Variants in PRR5L observed in about 807,000 individuals in gnomAD.
PRR5L encodes proline-rich protein 5-like.
Under a neutral mutation model 36.4 loss-of-function variants are expected in PRR5L, and 21 were observed. That is an observed-to-expected ratio of 0.58 (90% CI 0.41 to 0.83). PRR5L has a LOEUF of 0.83. PRR5L is among the 40% of genes least tolerant of loss of function. The pLI is 0.00. For missense variants in PRR5L, 381 were observed against 473.3 expected, an observed-to-expected ratio of 0.80 and a Z score of 1.81; for synonymous variants, 188 against 197.0, an observed-to-expected ratio of 0.95 and a Z score of 0.38.
intron 3 of PRR5L, among the ~76,000 whole-genome samples, chr11:36,409,214 C>G (rs987687343): frequency 6.6e-6 from 1 of 152,168 alleles, no homozygotes; most frequent in Non-Finnish European, 1.5e-5. Flanking sequence ...TTGCCACCAC[C>G]ACTCACTCCA....
intron 1 of PRR5L, among the ~76,000 whole-genome samples, chr11:36,398,210 T>A (rs769897162): frequency 2.0e-5 from 3 of 152,244 alleles, no homozygotes; most frequent in Non-Finnish European, 4.4e-5. Flanking sequence ...CTCACAGTCC[T>A]GGCTCTCTTC....
chr11:36,317,805 C>G (rs973357497), intron 1 of PRR5L, among the ~76,000 whole-genome samples: 1 of 152,082 alleles, frequency 6.6e-6, no homozygotes, highest in Non-Finnish European at 1.5e-5. Context: ...TTTTCATATG[C>G]TTATTAGCCA....
At chr11:36,362,986 T>C (rs926110000) in intron 1 of PRR5L, among the ~76,000 whole-genome samples, 7 of 152,094 alleles carry the variant, frequency 4.6e-5, no homozygotes, top group Non-Finnish European at 8.8e-5. Flanking sequence ...GAGAACAAGG[T>C]TCTCCAGGCC....
At chr11:36,423,053 G>A (rs1386600358) in intron 4 of PRR5L, among the ~76,000 whole-genome samples, 1 of 151,986 alleles carries the variant, frequency 6.6e-6, no homozygotes, top group African/African-American at 2.4e-5. Flanking sequence ...TGTTTTGTGT[G>A]TTATAAGCTT....
At chr11:36,349,935 G>A (rs1191342060) in intron 1 of PRR5L, 1 of 152,046 alleles carries the variant, frequency 6.6e-6, no homozygotes, top group African/African-American at 2.4e-5. Context: ...CTTCCTTGCA[G>A]AAGGAATCTG....
chr11:36,458,414 A>C (rs909966536), intron 8 of PRR5L, among the ~76,000 whole-genome samples: 1 of 152,176 alleles, frequency 6.6e-6, no homozygotes, highest in African/African-American at 2.4e-5. Context: ...AAACAGCGAG[A>C]TCATGGGTGG....
At chr11:36,406,560 G>A (rs1857916624) in intron 3 of PRR5L, among the ~76,000 whole-genome samples, 2 of 152,218 alleles carry the variant, frequency 1.3e-5, no homozygotes, top group Non-Finnish European at 2.9e-5. Flanking sequence ...TGCCTGTGTG[G>A]AGGTAAACAC....
chr11:36,324,487 AG>A (rs1214000856), intron 1 of PRR5L, among the ~76,000 whole-genome samples: 1 of 152,234 alleles, frequency 6.6e-6, no homozygotes, highest in Non-Finnish European at 1.5e-5. Flanking sequence ...GTACATATGT[AG>A]AAAAACCACT....
At chr11:36,447,795 T>G (rs1858863108) in intron 7 of PRR5L, among the ~76,000 whole-genome samples, 1 of 151,786 alleles carries the variant, frequency 6.6e-6, no homozygotes, top group African/African-American at 2.4e-5. Context: ...AGGATGAGGG[T>G]GGGTGTAATT....
intron 1 of PRR5L, among the ~76,000 whole-genome samples, chr11:36,369,975 T>C (rs997567855): frequency 3.3e-5 from 5 of 152,154 alleles, no homozygotes; most frequent in African/African-American, 4.8e-5. Flanking sequence ...TGCAATGGAG[T>C]GTCTTCCATT....
At chr11:36,354,051 T>G (rs1857002177) in intron 1 of PRR5L, among the ~76,000 whole-genome samples, 1 of 152,102 alleles carries the variant, frequency 6.6e-6, no homozygotes. Context: ...AACCTAGGCA[T>G]TGGGCGGCTG....
At chr11:36,451,456 G>T in intron 8 of PRR5L, 121 bp downstream of exon 8, 3 of 1,254,382 alleles carry the variant, frequency 2.4e-6, no homozygotes, top group Non-Finnish European at 3.3e-6. Flanking sequence ...ACAGCCTTTT[G>T]CTTCCTGTGC....
chr11:36,390,761 A>C (rs1328535261), intron 1 of PRR5L, among the ~76,000 whole-genome samples: 1 of 152,174 alleles, frequency 6.6e-6, no homozygotes, highest in African/African-American at 2.4e-5. Context: ...ATTCCATTTC[A>C]CTAAAAGTCA....
chr11:36,352,291 T>C (rs973778473), intron 1 of PRR5L, among the ~76,000 whole-genome samples: 1 of 152,176 alleles, frequency 6.6e-6, no homozygotes, highest in African/African-American at 2.4e-5. Context: ...TTTTTTGTTT[T>C]TTGTTTTTTC....
chr11:36,319,338 G>C (rs909985367), intron 1 of PRR5L, among the ~76,000 whole-genome samples: 1 of 152,210 alleles, frequency 6.6e-6, no homozygotes, highest in Non-Finnish European at 1.5e-5. Flanking sequence ...CTAACACAAG[G>C]AAGAAAGCAG....
At chr11:36,461,258 G>A (rs1487458915) in intron 8 of PRR5L, among the ~76,000 whole-genome samples, 1 of 152,188 alleles carries the variant, frequency 6.6e-6, no homozygotes, top group Middle Eastern at 3.2e-3. Context: ...CTTAGGTTCA[G>A]TTTTGGGGGG....
intron 1 of PRR5L, chr11:36,393,974 G>T (rs958292830): frequency 6.6e-6 from 1 of 152,216 alleles, no homozygotes; most frequent in African/African-American, 2.4e-5. Context: ...AATCAACCCT[G>T]CTGACACCTT....
At chr11:36,298,189 AG>A (rs2133445334) in intron 1 of PRR5L, among the ~76,000 whole-genome samples, 1 of 152,270 alleles carries the variant, frequency 6.6e-6, no homozygotes, top group South Asian at 2.1e-4. Flanking sequence ...TCACAGACTG[AG>A]GGGCTTAAAC....
intron 1 of PRR5L, among the ~76,000 whole-genome samples, chr11:36,317,416 G>T (rs1334840053): frequency 6.6e-6 from 1 of 152,176 alleles, no homozygotes; most frequent in Non-Finnish European, 1.5e-5. Context: ...TATGTAAACT[G>T]TTTAGCATGC....
Sources: gnomAD v4.1 joint callset for allele counts (sites outside exome capture counted in the v4.1 genomes callset) on GRCh38, gnomAD v4.1.1 for gene constraint, MANE v1.5 for transcripts, NCBI Gene and HGNC (gene_info 2026-07-23, HGNC 2026-07-21) for gene names.